CDH13: variants seen among roughly 807,000 people sequenced by gnomAD.
CDH13 encodes the protein cadherin-13.
A neutral mutation model predicts 63.8 loss-of-function variants in CDH13; 24 were observed. The ratio of observed to expected loss-of-function variants is 0.38; its 90% CI spans 0.27 to 0.53. The LOEUF (loss-of-function observed/expected upper bound fraction) is 0.53. Ranked by LOEUF, CDH13 falls within the 20% of genes least tolerant of loss-of-function variation. The pLI is 0.85. For missense variants in CDH13, 1,049 were observed against 903.1 expected, an observed-to-expected ratio of 1.16 and a Z score of -2.07; for synonymous variants, 503 against 355.3, an observed-to-expected ratio of 1.42 and a Z score of -4.67.
At chr16:82,646,167 T>A (rs967872322) in intron 1 of CDH13, 1 of 152,256 alleles carries the variant, frequency 6.6e-6, no homozygotes, top group African/African-American at 2.4e-5. Flanking sequence ...AAGCTTTGAA[T>A]AATTTTTCTG....
chr16:83,613,691 G>A (rs1327992453), intron 8 of CDH13, among the ~76,000 whole-genome samples: 2 of 152,076 alleles, frequency 1.3e-5, no homozygotes, highest in Non-Finnish European at 2.9e-5. Context: ...AAATTAGTCA[G>A]GCGTGGTGGC....
At chr16:83,448,964 G>A (rs2072796743) in intron 6 of CDH13, among the ~76,000 whole-genome samples, 1 of 152,140 alleles carries the variant, frequency 6.6e-6, no homozygotes, top group African/African-American at 2.4e-5. Flanking sequence ...ACAGAAAGAA[G>A]TCAAGTGAAG....
At chr16:83,466,119 TC>T (rs1462161895) in intron 6 of CDH13, among the ~76,000 whole-genome samples, 1 of 152,214 alleles carries the variant, frequency 6.6e-6, no homozygotes, top group Non-Finnish European at 1.5e-5. Flanking sequence ...GTAGCCTTGT[TC>T]TTCCCCAAGA....
intron 2 of CDH13, among the ~76,000 whole-genome samples, chr16:82,891,571 C>T (rs568091319): frequency 2.0e-5 from 3 of 152,292 alleles, no homozygotes; most frequent in South Asian, 2.1e-4. Flanking sequence ...ATGCACTTAT[C>T]GGACATATGT....
chr16:83,503,582 G>C (rs1453245407), intron 7 of CDH13, among the ~76,000 whole-genome samples: 1 of 152,140 alleles, frequency 6.6e-6, no homozygotes, highest in Non-Finnish European at 1.5e-5. Context: ...GAGGAAAAGG[G>C]AAGGGGCAGG....
intron 5 of CDH13, among the ~76,000 whole-genome samples, chr16:83,266,255 C>G (rs190561401): frequency 1.3e-5 from 2 of 152,186 alleles, no homozygotes; most frequent in East Asian, 3.9e-4. Context: ...ATTTGCCTTA[C>G]CATTTGTGCA....
intron 2 of CDH13, among the ~76,000 whole-genome samples, chr16:83,002,449 C>T (rs898279625): frequency 1.3e-5 from 2 of 152,190 alleles, no homozygotes; most frequent in Admixed American, 1.3e-4. Flanking sequence ...GATTTTGCAG[C>T]TTCCAGAACT....
intron 1 of CDH13, among the ~76,000 whole-genome samples, chr16:82,709,717 T>G (rs1453371938): frequency 6.6e-6 from 1 of 152,152 alleles, no homozygotes; most frequent in Non-Finnish European, 1.5e-5. Flanking sequence ...TAACCTGGAA[T>G]AGAAAAGATA....
chr16:83,014,437 T>TA (rs911310010), intron 2 of CDH13, among the ~76,000 whole-genome samples: 9 of 151,186 alleles, frequency 6.0e-5, no homozygotes, highest in South Asian at 4.2e-4. Context: ...AAAAGCCAGG[T>TA]ATAAAGGTAT....
At chr16:83,364,653 A>T (rs1031355470) in intron 6 of CDH13, among the ~76,000 whole-genome samples, 3 of 152,178 alleles carry the variant, frequency 2.0e-5, no homozygotes, top group Admixed American at 2.0e-4. Context: ...GGACCAGTGA[A>T]AGTAGAGTGA....
chr16:83,124,874 C>T (rs941854002), intron 3 of CDH13, among the ~76,000 whole-genome samples: 1 of 152,136 alleles, frequency 6.6e-6, no homozygotes, highest in Non-Finnish European at 1.5e-5. Flanking sequence ...TGTTCTGTTC[C>T]ATTAATCTAG....
intron 1 of CDH13, among the ~76,000 whole-genome samples, chr16:82,713,994 A>G (rs1238444227): frequency 6.6e-6 from 1 of 151,960 alleles, no homozygotes; most frequent in Non-Finnish European, 1.5e-5. Context: ...CCTAGGCTGG[A>G]GTGCATGTTG....
intron 6 of CDH13, among the ~76,000 whole-genome samples, chr16:83,406,992 A>G (rs1415310188): frequency 6.6e-6 from 1 of 152,250 alleles, no homozygotes; most frequent in Non-Finnish European, 1.5e-5. Context: ...TAACTTAATG[A>G]AACACATACA....
chr16:83,686,890 C>T (rs1904355971), intron 10 of CDH13, among the ~76,000 whole-genome samples: 2 of 152,132 alleles, frequency 1.3e-5, no homozygotes, highest in African/African-American at 4.8e-5. Flanking sequence ...GGGGTGACTG[C>T]ATGCACACAT....
intron 1 of CDH13, among the ~76,000 whole-genome samples, chr16:82,794,677 T>C (rs950366012): frequency 6.6e-6 from 1 of 152,222 alleles, no homozygotes; most frequent in Non-Finnish European, 1.5e-5. Flanking sequence ...TATGTTGCCA[T>C]GCCTTAGCCA....
intron 5 of CDH13, among the ~76,000 whole-genome samples, chr16:83,291,893 C>G (rs1001892980): frequency 2.0e-5 from 3 of 152,162 alleles, no homozygotes; most frequent in African/African-American, 7.2e-5. Flanking sequence ...CTAATGTCAT[C>G]TTGACCAGGT....
At chr16:83,131,436 G>A (rs750766530) in intron 4 of CDH13, among the ~76,000 whole-genome samples, 2 of 152,128 alleles carry the variant, frequency 1.3e-5, no homozygotes, top group African/African-American at 2.4e-5. Context: ...GTGCTCTGGA[G>A]AGGAACATGC....
At chr16:83,782,269 A>C (rs1197981425) in intron 12 of CDH13, among the ~76,000 whole-genome samples, 1 of 152,204 alleles carries the variant, frequency 6.6e-6, no homozygotes, top group Non-Finnish European at 1.5e-5. Flanking sequence ...TCAAGGCTAA[A>C]GAATAGGCCA....
intron 6 of CDH13, among the ~76,000 whole-genome samples, chr16:83,484,274 T>C (rs966032696): frequency 6.6e-6 from 1 of 152,252 alleles, no homozygotes; most frequent in African/African-American, 2.4e-5. Flanking sequence ...GAATTCTATC[T>C]TTCCTTTAGG....
Sources: allele counts gnomAD v4.1 joint callset (sites outside exome capture counted in the v4.1 genomes callset), GRCh38; gene constraint gnomAD v4.1.1; transcripts MANE v1.5; gene names NCBI Gene and HGNC (gene_info 2026-07-23, HGNC 2026-07-21).